KCNIP4: variants seen among roughly 807,000 people sequenced by gnomAD.
KCNIP4 encodes potassium voltage-gated channel interacting protein 4.
KCNIP4 carries 12 observed loss-of-function variants against 34.0 expected under a neutral mutation model. The ratio of observed to expected loss-of-function variants is 0.35; its 90% CI spans 0.23 to 0.57. The LOEUF is 0.57. Among genes scored for constraint, KCNIP4 ranks in the 20% least tolerant of loss-of-function variants. KCNIP4 has a pLI of 0.83. For synonymous variants in KCNIP4, 124 were observed against 102.2 expected, an observed-to-expected ratio of 1.21 and a Z score of -1.29; for missense variants, 238 against 311.7, an observed-to-expected ratio of 0.76 and a Z score of 1.78.
intron 1 of KCNIP4, among the ~76,000 whole-genome samples, chr4:21,917,581 A>C (rs2108991113): frequency 6.6e-6 from 1 of 152,310 alleles, no homozygotes; most frequent in East Asian, 1.9e-4. Flanking sequence ...AGAGCTACTA[A>C]GGGGTAGATT....
chr4:20,734,575 T>G (rs1749127345), intron 6 of KCNIP4, 53 bp downstream of exon 6: 3 of 860,748 alleles, frequency 3.5e-6, no homozygotes, highest in Non-Finnish European at 5.3e-6. Flanking sequence ...TATTTTAAAG[T>G]TAAGAAATGA....
intron 1 of KCNIP4, among the ~76,000 whole-genome samples, chr4:21,727,312 G>A (rs960869120): frequency 7.2e-5 from 11 of 152,146 alleles, no homozygotes; most frequent in African/African-American, 2.6e-4. Flanking sequence ...TTTCCACCAT[G>A]TGAGGACACA....
chr4:21,837,532 C>CCAAAAAAAAAAA (rs1723409863), intron 1 of KCNIP4, among the ~76,000 whole-genome samples: 1 of 78,554 alleles, frequency 1.3e-5, no homozygotes, highest in Non-Finnish European at 2.2e-5. Flanking sequence ...AAAACGCTGT[C>CCAAAAAAAAAAA]AAAAAAAAAA....
At chr4:21,550,913 C>A (rs536714574) in intron 1 of KCNIP4, among the ~76,000 whole-genome samples, 1 of 152,192 alleles carries the variant, frequency 6.6e-6, no homozygotes, top group African/African-American at 2.4e-5. Flanking sequence ...TCCTCTCTCC[C>A]CTTCCGTAGT....
chr4:21,487,216 G>A (rs1018565042), intron 1 of KCNIP4, among the ~76,000 whole-genome samples: 1 of 152,120 alleles, frequency 6.6e-6, no homozygotes, highest in African/African-American at 2.4e-5. Flanking sequence ...CTTCTTGGCT[G>A]TTAGCTTTCT....
At position 21,287,982 on chromosome 4, in the gene KCNIP4, T is replaced by C. The variant is rs576794344; in HGVS notation, c.62-405273A>G. On this transcript the variant is annotated intron_variant, in intron 1 of 8. Transcript: ENST00000382152. ...TTCATTCATAGACATTTGATGAGCA[T>C]CTACTAAGTAAAGCTGCAGGAAATA... Among the ~76,000 whole-genome samples, 3 of 152,352 alleles carry C rather than the reference T, an allele frequency of 2.0e-5. No homozygotes were observed. The East Asian group carries it at 5.8e-4, about 29-fold the overall frequency.
intron 1 of KCNIP4, among the ~76,000 whole-genome samples, chr4:21,923,166 C>T (rs1019104776): frequency 1.3e-5 from 2 of 152,210 alleles, no homozygotes; most frequent in African/African-American, 4.8e-5. Flanking sequence ...TCCCATTACA[C>T]TCTGATCTCT....
intron 1 of KCNIP4, among the ~76,000 whole-genome samples, chr4:21,200,245 A>G (rs1258507236): frequency 1.3e-5 from 2 of 151,600 alleles, no homozygotes; most frequent in African/African-American, 4.9e-5. Context: ...AATTGCAAAG[A>G]TAAGGAATCA....
At chr4:21,670,946 G>T (rs188253887) in intron 1 of KCNIP4, among the ~76,000 whole-genome samples, 2,414 of 151,524 alleles carry the variant, frequency 0.016, 66 homozygotes, top group African/African-American at 0.056. Context: ...GTGAGCCACC[G>T]CGCCGGGCTG....
At chr4:21,511,232 G>C (rs1734286409) in intron 1 of KCNIP4, among the ~76,000 whole-genome samples, 1 of 152,016 alleles carries the variant, frequency 6.6e-6, no homozygotes, top group Non-Finnish European at 1.5e-5. Flanking sequence ...CTAGGAAACA[G>C]TGTATTAAAG....
chr4:21,244,553 A>C (rs931517222), intron 1 of KCNIP4, among the ~76,000 whole-genome samples: 1 of 152,220 alleles, frequency 6.6e-6, no homozygotes, highest in African/African-American at 2.4e-5. Context: ...ATAATATTGA[A>C]TATAAACATG....
intron 1 of KCNIP4, chr4:21,697,478 T>C (rs755114076): frequency 1.3e-6 from 2 of 1,528,302 alleles, no homozygotes; most frequent in Non-Finnish European, 1.7e-6. Flanking sequence ...GCCAGAAGTC[T>C]TTGCCAATAA....
intron 1 of KCNIP4, among the ~76,000 whole-genome samples, chr4:20,906,709 T>C (rs1727806778): frequency 6.6e-6 from 1 of 152,240 alleles, no homozygotes; most frequent in Non-Finnish European, 1.5e-5. Flanking sequence ...ATACCCTTTA[T>C]GCTCTCTACT....
At chr4:20,733,042 T>C (rs1748721921) in intron 6 of KCNIP4, among the ~76,000 whole-genome samples, 1 of 152,224 alleles carries the variant, frequency 6.6e-6, no homozygotes, top group African/African-American at 2.4e-5. Context: ...GTATCTACCA[T>C]AGTCAGGAAA....
rs560188765 is a variant in KCNIP4, at chr4:20,840,804, T to C, written c.288+9739A>G. Among the ~76,000 whole-genome samples the C allele has an allele frequency of 3.3e-5, 5 of 152,328 alleles. No individual in the cohort carries two copies. In the South Asian group the frequency reaches 1.0e-3, roughly 32 times the overall value. Reference sequence around the variant, plus strand: ...ATCCTTCTCTGTCTAATACATATGGTGACGTGCTGGATACCAACACCCCCA... The same window carrying C: ...ATCCTTCTCTGTCTAATACATATGGCGACGTGCTGGATACCAACACCCCCA... On this transcript the variant is annotated intron_variant, in intron 3 of 8. Coordinates refer to ENST00000382152, the MANE Select transcript of KCNIP4 (RefSeq NM_025221.6).
chr4:20,927,020 G>A (rs140738174), intron 1 of KCNIP4, among the ~76,000 whole-genome samples: 5 of 151,906 alleles, frequency 3.3e-5, no homozygotes, highest in East Asian at 1.9e-4. Flanking sequence ...TCGCTCTATC[G>A]CCCAGGCTGG....
At chr4:21,149,513 G>C (rs1244890516) in intron 1 of KCNIP4, among the ~76,000 whole-genome samples, 1 of 152,084 alleles carries the variant, frequency 6.6e-6, no homozygotes, top group Non-Finnish European at 1.5e-5. Context: ...AGAAGACGCA[G>C]GACCATTCTA....
chr4:21,293,554 A>G (rs964144305), intron 1 of KCNIP4, among the ~76,000 whole-genome samples: 4 of 152,224 alleles, frequency 2.6e-5, no homozygotes, highest in Non-Finnish European at 5.9e-5. Flanking sequence ...ATGGCCACAG[A>G]GATAGGCAGA....
intron 1 of KCNIP4, among the ~76,000 whole-genome samples, chr4:21,860,763 T>C (rs1725027503): frequency 6.6e-6 from 1 of 152,224 alleles, no homozygotes; most frequent in Non-Finnish European, 1.5e-5. Context: ...GTTATACACA[T>C]AGCCTATGTA....
Sources: gnomAD v4.1 joint callset for allele counts (sites outside exome capture counted in the v4.1 genomes callset) on GRCh38, gnomAD v4.1.1 for gene constraint, MANE v1.5 for transcripts, NCBI Gene and HGNC (gene_info 2026-07-23, HGNC 2026-07-21) for gene names.